The following ADAMTS16 variants were observed in gnomAD, a reference collection of about 807,000 sequenced individuals.
ADAMTS16 encodes the protein ADAM metallopeptidase with thrombospondin type 1 motif 16.
A neutral mutation model predicts 145.8 loss-of-function variants in ADAMTS16; 94 were observed. That is an observed-to-expected ratio of 0.64 (90% CI 0.55 to 0.77). ADAMTS16 has a LOEUF of 0.77. ADAMTS16 is among the 30% of genes least tolerant of loss of function. The probability of loss-of-function intolerance (pLI) is 0.00; values close to 1 mark genes in which losing one functional copy is unlikely to be tolerated. For synonymous variants in ADAMTS16, 659 were observed against 604.3 expected (o/e 1.09, Z -1.33); for missense variants, 1,585 against 1,591.5 (o/e 1.00, Z 0.07).
chr5:5,280,790 G>C (rs998378641), intron 18 of ADAMTS16, among the ~76,000 whole-genome samples: 13 of 152,094 alleles, frequency 8.5e-5, no homozygotes, highest in African/African-American at 3.1e-4. Context: ...AATGATATAA[G>C]CCTATAATTA....
At chr5:5,254,936 A>C (rs1737734245) in intron 17 of ADAMTS16, among the ~76,000 whole-genome samples, 1 of 152,164 alleles carries the variant, frequency 6.6e-6, no homozygotes. Context: ...GGTGTTAACT[A>C]TCTCCTAGCA....
intron 17 of ADAMTS16, among the ~76,000 whole-genome samples, chr5:5,254,935 T>C (rs903264070): frequency 2.6e-5 from 4 of 152,298 alleles, no homozygotes; most frequent in South Asian, 2.1e-4. Context: ...TGGTGTTAAC[T>C]ATCTCCTAGC....
At chr5:5,272,781 TG>T (rs1325977147) in intron 18 of ADAMTS16, among the ~76,000 whole-genome samples, 1 of 152,162 alleles carries the variant, frequency 6.6e-6, no homozygotes, top group East Asian at 1.9e-4. Flanking sequence ...CTGGAATATT[TG>T]GGGATTGTAT....
chr5:5,160,614 G>A (rs1261908205), intron 3 of ADAMTS16, among the ~76,000 whole-genome samples: 1 of 152,122 alleles, frequency 6.6e-6, no homozygotes, highest in African/African-American at 2.4e-5. Context: ...GCTGTGGTGG[G>A]TGCAAAATCT....
chr5:5,206,355 G>A (rs1736113139), intron 9 of ADAMTS16, among the ~76,000 whole-genome samples: 2 of 131,866 alleles, frequency 1.5e-5, no homozygotes, highest in Admixed American at 7.5e-5. Context: ...GAACCCGGGA[G>A]GCGGAGCTTG....
At chr5:5,247,050 G>A (rs577509035) in intron 17 of ADAMTS16, among the ~76,000 whole-genome samples, 1 of 152,350 alleles carries the variant, frequency 6.6e-6, no homozygotes, top group South Asian at 2.1e-4. Context: ...TTAAAGAGCA[G>A]CAGTGGGCTT....
intron 17 of ADAMTS16, among the ~76,000 whole-genome samples, chr5:5,261,389 A>G (rs1738015096): frequency 6.6e-6 from 1 of 152,052 alleles, no homozygotes; most frequent in African/African-American, 2.4e-5. Flanking sequence ...TCACATGCCT[A>G]AGCCTGTCAA....
At chr5:5,272,640 C>T (rs896016841) in intron 18 of ADAMTS16, among the ~76,000 whole-genome samples, 1 of 152,160 alleles carries the variant, frequency 6.6e-6, no homozygotes, top group Admixed American at 6.5e-5. Flanking sequence ...GCTGGGATTA[C>T]AGGCGTGAGC....
rs1738509653 is a variant in ADAMTS16, at chr5:5,272,255, T to C, written c.2789+9472T>C. Among the ~76,000 whole-genome samples the C allele has an allele frequency of 2.6e-5, 4 of 152,164 alleles. No homozygotes were observed. In the South Asian group the frequency reaches 6.2e-4, roughly 24 times the overall value. On this transcript the variant is annotated intron_variant, in intron 18 of 22. Coordinates refer to ENST00000274181, the MANE Select transcript of ADAMTS16 (RefSeq NM_139056.4). ...AGCTGAGCGTTCCCAAGCAGCAGGA[T>C]GGGCTTCCTGGGAGTGAGACCTGCG...
intron 21 of ADAMTS16, among the ~76,000 whole-genome samples, chr5:5,309,827 C>CGTGTGTGTGTGTGTGT (rs35723690): frequency 5.4e-4 from 79 of 146,976 alleles, no homozygotes; most frequent in South Asian, 4.1e-3. Context: ...GTCATGTCCT[C>CGTGTGTGTGTGTGTGT]GTGTGTGTGT....
intron 19 of ADAMTS16, 42 bp from the exon 20 acceptor site, chr5:5,303,530 A>C: frequency 1.2e-6 from 2 of 1,609,382 alleles, no homozygotes. Context: ...GCTGTGTTGC[A>C]CATGGCCCTC....
intron 17 of ADAMTS16, among the ~76,000 whole-genome samples, chr5:5,247,656 G>A (rs747812432): frequency 1.3e-5 from 2 of 152,194 alleles, no homozygotes; most frequent in South Asian, 2.1e-4. Flanking sequence ...CTCCACCTTC[G>A]CTGTGCAGGT....
At chr5:5,186,755 CA>C (rs1226890799) in intron 5 of ADAMTS16, among the ~76,000 whole-genome samples, 1 of 152,164 alleles carries the variant, frequency 6.6e-6, no homozygotes, top group African/African-American at 2.4e-5. Flanking sequence ...CTCAAATTGG[CA>C]GCTGTATTAA....
chr5:5,235,019 C>A lies in ADAMTS16; in HGVS notation c.1856C>A (p.Ser619Ter). The A allele has an allele frequency of 6.4e-7, 1 of 1,570,178 alleles. No homozygotes were observed. Among genetic ancestry groups the A allele is most frequent in the South Asian group, 1.2e-5 (1 of 86,570 alleles). The change falls in exon 13 of 23, where the codon TCG (serine) becomes TAG (stop). Residue 619 changes from serine to a stop codon, truncating the protein, a stop_gained. Transcript: ENST00000274181. LOFTEE classifies it high-confidence loss of function. The stretch of plus-strand genomic sequence containing the variant: ...CTTCAAAATACACATTCCAGGCCAT[C>A]GCATGGAGGGAAGTTCTGTGAGGGC... ...RSRLCTNPKP[S>*]HGGKFCEGST...
chr5:5,184,826 A>G (rs751871984), intron 4 of ADAMTS16, among the ~76,000 whole-genome samples: 2 of 152,030 alleles, frequency 1.3e-5, no homozygotes, highest in Admixed American at 1.3e-4. Context: ...CCCAATACTG[A>G]GGGCCTGTAG....
At chr5:5,196,337 C>T (rs914234141) in intron 8 of ADAMTS16, among the ~76,000 whole-genome samples, 2 of 151,854 alleles carry the variant, frequency 1.3e-5, no homozygotes, top group African/African-American at 4.8e-5. Flanking sequence ...CTGGAGATGC[C>T]CCTTTCAGTA....
rs749459638 is a variant in ADAMTS16 at position 5,242,189 on chromosome 5, G to A, written c.2660G>A (p.Gly887Glu). ...TCTGAGTGCTCCGTGTCCTGCGGAG[G>A]GGGTAGGTGCCTTCCAGTGCTGCTC... ...VRSECSVSCG[G>E]GQMTVREGCY... The change falls in exon 17 of 23, where the codon GGG becomes GAG. Residue 887 changes from glycine to glutamate, a missense_variant and splice_region_variant. Physicochemically the swap from Gly to Glu is moderately conservative, Grantham distance 98. Coordinates refer to ENST00000274181, the MANE Select transcript of ADAMTS16 (RefSeq NM_139056.4). The A allele has an allele frequency of 1.9e-6, 3 of 1,613,702 alleles. No homozygotes were observed. The highest frequency in any genetic ancestry group is 2.5e-6 in the Non-Finnish European group (3 of 1,179,954).
At chr5:5,314,854 G>C (rs995546722) in intron 21 of ADAMTS16, among the ~76,000 whole-genome samples, 1 of 152,166 alleles carries the variant, frequency 6.6e-6, no homozygotes, top group Non-Finnish European at 1.5e-5. Flanking sequence ...CCCTGTGGCT[G>C]GGCCAAGAAC....
At chr5:5,235,499 T>C (rs1358412341) in intron 13 of ADAMTS16, among the ~76,000 whole-genome samples, 1 of 152,214 alleles carries the variant, frequency 6.6e-6, no homozygotes, top group Non-Finnish European at 1.5e-5. Context: ...ATCAGTATGT[T>C]TTTGAATTAA....
Sources: gnomAD v4.1 joint callset for allele counts (sites outside exome capture counted in the v4.1 genomes callset) on GRCh38, gnomAD v4.1.1 for gene constraint, MANE v1.5 for transcripts, NCBI Gene and HGNC (gene_info 2026-07-23, HGNC 2026-07-21) for gene names.